Variants in CYP19A1 observed in about 807,000 individuals in gnomAD.
The protein encoded by CYP19A1 is cytochrome P450 family 19 subfamily A member 1, also known as aromatase.
Under a neutral mutation model 44.4 loss-of-function variants are expected in CYP19A1, and 32 were observed. That is an observed-to-expected ratio of 0.72 (90% CI 0.54 to 0.97). The LOEUF (loss-of-function observed/expected upper bound fraction) is 0.97. CYP19A1 is among the 50% of genes least tolerant of loss of function. The pLI is 0.00. For synonymous variants in CYP19A1, 212 were observed against 215.6 expected, an observed-to-expected ratio of 0.98 and a Z score of 0.14; for missense variants, 598 against 637.8, an observed-to-expected ratio of 0.94 and a Z score of 0.67.
At chr15:51,212,682 A>G (rs2031144433) in intron 8 of CYP19A1, 121 bp from the exon 9 acceptor site, 2 of 716,830 alleles carry the variant, frequency 2.8e-6, no homozygotes, top group Non-Finnish European at 5.0e-6. Context: ...TTGTGGCTCT[A>G]ATTCTAATGC....
intron 1 of CYP19A1, among the ~76,000 whole-genome samples, chr15:51,292,238 A>T (rs568602780): frequency 7.2e-5 from 11 of 152,322 alleles, no homozygotes; most frequent in African/African-American, 2.6e-4. Flanking sequence ...AATCATCTCC[A>T]ACTAGGGTTA....
At chr15:51,214,451 G>C (rs562926296) in intron 8 of CYP19A1, among the ~76,000 whole-genome samples, 241 of 152,236 alleles carry the variant, frequency 1.6e-3, no homozygotes, top group Middle Eastern at 6.8e-3. Context: ...GGAGTGGAGA[G>C]GGAAATGTAT....
chr15:51,265,435 C>T (rs2034880511), intron 1 of CYP19A1, among the ~76,000 whole-genome samples: 1 of 152,082 alleles, frequency 6.6e-6, no homozygotes, highest in African/African-American at 2.4e-5. Flanking sequence ...TTGGCTTGAA[C>T]AAAAGGGATG....
At chr15:51,271,042 C>A (rs2035106494) in intron 1 of CYP19A1, among the ~76,000 whole-genome samples, 1 of 121,082 alleles carries the variant, frequency 8.3e-6, no homozygotes. Context: ...CAAGTCTAAG[C>A]ATTTTTTTTT....
At chr15:51,307,623 G>A (rs996442610) in intron 1 of CYP19A1, among the ~76,000 whole-genome samples, 11 of 152,110 alleles carry the variant, frequency 7.2e-5, no homozygotes, top group African/African-American at 2.7e-4. Context: ...AGTGCTGCTC[G>A]AGCTATGAGA....
intron 9 of CYP19A1, chr15:51,212,110 T>C: frequency 1.6e-6 from 1 of 609,378 alleles, no homozygotes; most frequent in Non-Finnish European, 2.9e-6. Context: ...TAGATACTTC[T>C]TAGAGCTGGA....
chr15:51,217,494 C>T (rs2031685263), intron 6 of CYP19A1, among the ~76,000 whole-genome samples: 1 of 152,320 alleles, frequency 6.6e-6, no homozygotes, highest in Non-Finnish European at 1.5e-5. Flanking sequence ...AAACATTCAC[C>T]TAGTACTTAT....
chr15:51,229,309 G>A (rs997894488), intron 3 of CYP19A1, among the ~76,000 whole-genome samples: 19 of 150,494 alleles, frequency 1.3e-4, no homozygotes, highest in African/African-American at 4.4e-4. Context: ...AGGATAGCTC[G>A]AGCCCTGGAG....
At chr15:51,244,061 C>T (rs532509908) in intron 1 of CYP19A1, among the ~76,000 whole-genome samples, 1 of 152,348 alleles carries the variant, frequency 6.6e-6, no homozygotes, top group East Asian at 1.9e-4. Context: ...GGCTCTCAAT[C>T]AGACTTGTGC....
At chr15:51,283,814 G>A (rs543180376) in intron 1 of CYP19A1, among the ~76,000 whole-genome samples, 30 of 152,258 alleles carry the variant, frequency 2.0e-4, no homozygotes, top group African/African-American at 6.7e-4. Context: ...TCAACAAACC[G>A]AGGCATACCC....
At chr15:51,211,716 C>A (rs778410536) in intron 9 of CYP19A1, 3 of 430,100 alleles carry the variant, frequency 7.0e-6, no homozygotes, top group African/African-American at 2.0e-5. Flanking sequence ...TAGGGAACTG[C>A]GTACGTAATT....
rs538556480 is a variant in CYP19A1 at position 51,336,474 on chromosome 15, CA to C, written c.-39+2020del. On this transcript the variant is annotated intron_variant, in intron 1 of 9. Coordinates refer to ENST00000396402, the MANE Select transcript of CYP19A1 (RefSeq NM_000103.4). ...GCTGAGTGGAAGATGCATGTGGTGA[CA>C]ACTTTTAGGGTGGCTCTCTCCCTAA... is the stretch of plus-strand genomic sequence containing the variant. 8.5e-3 allele frequency among the ~76,000 whole-genome samples: 1,292 copies of C among 152,264 alleles called. 17 individuals carry two copies. The highest frequency in any genetic ancestry group is 0.029 in the African/African-American group (1,218 of 41,536).
intron 1 of CYP19A1, among the ~76,000 whole-genome samples, chr15:51,290,839 C>T (rs1012307567): frequency 6.6e-6 from 1 of 152,226 alleles, no homozygotes; most frequent in Non-Finnish European, 1.5e-5. Context: ...TCTAGTGCTG[C>T]CCTGGCTTTT....
chr15:51,315,654 C>A lies in CYP19A1; in HGVS notation c.-39+22841G>T, dbSNP rs148896316. On this transcript the variant is annotated intron_variant, in intron 1 of 9. Transcript: ENST00000396402. ...TAAATGAATGAAAAGTAGAATGAAC[C>A]TATACATCCAGGCCCTCAAGGGCAG... 9.2e-5 allele frequency among the ~76,000 whole-genome samples: 14 copies of A among 152,310 alleles called. No homozygotes were observed. The East Asian group carries it at 2.7e-3, about 29-fold the overall frequency.
chr15:51,246,142 T>C (rs1367827543), intron 1 of CYP19A1, among the ~76,000 whole-genome samples: 1 of 152,206 alleles, frequency 6.6e-6, no homozygotes, highest in Non-Finnish European at 1.5e-5. Context: ...AACATTCTAA[T>C]GGGCCACGTG....
intron 5 of CYP19A1, among the ~76,000 whole-genome samples, chr15:51,220,384 G>T (rs1235636327): frequency 6.6e-6 from 1 of 152,198 alleles, no homozygotes; most frequent in Non-Finnish European, 1.5e-5. Flanking sequence ...TCACTGGAAT[G>T]TAAGCCCCTT....
chr15:51,236,779 A>G, intron 3 of CYP19A1, 80 bp downstream of exon 3: 1 of 1,538,538 alleles, frequency 6.5e-7, no homozygotes, highest in Non-Finnish European at 9.0e-7. Context: ...AGACATCAAG[A>G]TTCAAAATAA....
chr15:51,227,343 C>G (rs762779508), intron 4 of CYP19A1, among the ~76,000 whole-genome samples: 1 of 152,074 alleles, frequency 6.6e-6, no homozygotes, highest in Admixed American at 6.5e-5. Flanking sequence ...TGAATGTTAG[C>G]TCTTCCTCCT....
intron 1 of CYP19A1, among the ~76,000 whole-genome samples, chr15:51,285,084 C>G (rs1357562279): frequency 6.6e-6 from 1 of 152,190 alleles, no homozygotes; most frequent in Non-Finnish European, 1.5e-5. Context: ...GAAAACCGCA[C>G]AGGAAGCTGA....
Sources: gnomAD v4.1 joint callset for allele counts (sites outside exome capture counted in the v4.1 genomes callset) on GRCh38, gnomAD v4.1.1 for gene constraint, MANE v1.5 for transcripts, NCBI Gene and HGNC (gene_info 2026-07-23, HGNC 2026-07-21) for gene names.